EXD3: variants seen among roughly 807,000 people sequenced by gnomAD.
EXD3 encodes the protein exonuclease mut-7 homolog.
In EXD3, 92 loss-of-function variants were observed where a neutral mutation model predicts 98.0. That is an observed-to-expected ratio of 0.94 (90% CI 0.79 to 1.12). EXD3 has a LOEUF of 1.12. EXD3 is among the 50% of genes most tolerant of loss of function. The pLI, the probability that EXD3 is intolerant of heterozygous loss-of-function variation, is 0.00. For missense variants in EXD3, 1,222 were observed against 1,191.6 expected (o/e 1.03, Z -0.38); for synonymous variants, 569 against 526.0 (o/e 1.08, Z -1.12).
intron 3 of EXD3, among the ~76,000 whole-genome samples, chr9:137,376,093 C>G (rs1453880419): frequency 6.6e-6 from 1 of 151,984 alleles, no homozygotes; most frequent in African/African-American, 2.4e-5. Context: ...GCCTGTAATC[C>G]CAGCACTTTG....
rs534339635 is a variant in EXD3, at chr9:137,372,980, G to C, written c.387C>G (p.Phe129Leu). The part of the protein sequence containing the change: ...PSLAAPLASI[F>L]QLQDADRSCL... The stretch of plus-strand genomic sequence containing the variant: ...AGCTCCTGTCTGCATCCTGCAGCTG[G>C]AAGATGCTGGCCAGTGGTGCCGCAA... The change falls in exon 5 of 22, where the codon TTC becomes TTG. Residue 129 changes from phenylalanine to leucine, a missense_variant. Coordinates refer to ENST00000340951, the MANE Select transcript of EXD3 (RefSeq NM_017820.5). The C allele has an allele frequency of 3.0e-5, 48 of 1,604,580 alleles. No homozygotes were observed. In the African/African-American group the frequency reaches 5.9e-4, roughly 20 times the overall value.
intron 17 of EXD3, among the ~76,000 whole-genome samples, chr9:137,340,553 T>A (rs943568487): frequency 3.3e-5 from 5 of 151,814 alleles, no homozygotes. Context: ...TTTAATGAGG[T>A]CTTGCTGTGT....
intron 19 of EXD3, among the ~76,000 whole-genome samples, chr9:137,314,474 C>G (rs1048946969): frequency 2.5e-4 from 38 of 152,150 alleles, no homozygotes; most frequent in Non-Finnish European, 2.9e-5. Context: ...GCTTTTAAAA[C>G]CCAGTCTATC....
chr9:137,341,153 GA>G (rs920901578), intron 17 of EXD3, among the ~76,000 whole-genome samples: 4 of 152,150 alleles, frequency 2.6e-5, no homozygotes, highest in African/African-American at 9.7e-5. Flanking sequence ...CTGTCTCCAT[GA>G]AACATTTTAA....
intron 10 of EXD3, chr9:137,353,662 GC>G: frequency 1.0e-6 from 1 of 985,758 alleles, no homozygotes; most frequent in South Asian, 4.7e-5. Flanking sequence ...GGGACCCTCA[GC>G]CCCCGCTGGG....
chr9:137,422,258 G>C (rs1298886597), intron 1 of EXD3, among the ~76,000 whole-genome samples: 1 of 151,986 alleles, frequency 6.6e-6, no homozygotes, highest in African/African-American at 2.4e-5. Context: ...CAAGAAGAAA[G>C]ATTTTGATCA....
At chr9:137,422,868 G>A (rs1391776130) in intron 1 of EXD3, among the ~76,000 whole-genome samples, 1 of 152,114 alleles carries the variant, frequency 6.6e-6, no homozygotes, top group Non-Finnish European at 1.5e-5. Flanking sequence ...CGGCGGGGTC[G>A]CCGGGGTCGG....
At chr9:137,339,180 C>T (rs958924400) in intron 17 of EXD3, among the ~76,000 whole-genome samples, 1 of 151,998 alleles carries the variant, frequency 6.6e-6, no homozygotes, top group Non-Finnish European at 1.5e-5. Flanking sequence ...AACATTCTCC[C>T]CAAAGAAAAC....
In EXD3 at chr9:137,381,923, C is replaced by T. The variant is rs572112619; in HGVS notation, c.120+1390G>A. Among the ~76,000 whole-genome samples, 332 of 151,858 alleles carry T rather than the reference C, an allele frequency of 2.2e-3. 3 individuals are homozygous for T. The highest frequency in any genetic ancestry group is 7.5e-3 in the African/African-American group (310 of 41,364). On this transcript the variant is annotated intron_variant, in intron 3 of 21. Transcript: ENST00000340951. ...GGAATCCGGGAATGTGATGGAGGCGCGAGGAGGAGGTGAGAGCACGAGGAG... is the reference window on the plus strand; with the variant it reads ...GGAATCCGGGAATGTGATGGAGGCGTGAGGAGGAGGTGAGAGCACGAGGAG...
chr9:137,333,657 C>T (rs1445762673), intron 17 of EXD3, among the ~76,000 whole-genome samples: 1 of 152,108 alleles, frequency 6.6e-6, no homozygotes, highest in Non-Finnish European at 1.5e-5. Context: ...CTTGCTCTCT[C>T]GCTCCTGCCT....
rs371220422 is a variant in EXD3 at position 137,361,678 on chromosome 9, G to A, written c.656+4815C>T. 2.5e-4 allele frequency among the ~76,000 whole-genome samples: 38 copies of A among 150,944 alleles called. No homozygotes were observed. The South Asian group carries it at 7.9e-3, about 31-fold the overall frequency. ...GGAGAATTACTTGAACCCGGGAGGCGGAGGTTGCAGTGAGCTGAGATCGCG... is the reference window on the plus strand; with the variant it reads ...GGAGAATTACTTGAACCCGGGAGGCAGAGGTTGCAGTGAGCTGAGATCGCG... On this transcript the variant is annotated intron_variant, in intron 7 of 21. Coordinates refer to ENST00000340951, the MANE Select transcript of EXD3 (RefSeq NM_017820.5).
intron 1 of EXD3, among the ~76,000 whole-genome samples, chr9:137,397,980 T>C (rs1837293313): frequency 6.7e-6 from 1 of 148,956 alleles, no homozygotes; most frequent in African/African-American, 2.5e-5. Flanking sequence ...AGTTAAAAAA[T>C]ATGGTTTTAA....
intron 1 of EXD3, among the ~76,000 whole-genome samples, chr9:137,414,258 G>A (rs1838137829): frequency 6.6e-6 from 1 of 152,198 alleles, no homozygotes; most frequent in Admixed American, 6.5e-5. Context: ...CACTTGGCAT[G>A]GTGTCTTCAA....
At chr9:137,325,731 C>T (rs1185995658) in intron 17 of EXD3, among the ~76,000 whole-genome samples, 2 of 152,126 alleles carry the variant, frequency 1.3e-5, no homozygotes, top group Non-Finnish European at 2.9e-5. Context: ...CCGCACCCGG[C>T]CAAATCGTTA....
intron 6 of EXD3, among the ~76,000 whole-genome samples, chr9:137,366,908 G>A (rs570908182): frequency 1.3e-5 from 2 of 152,362 alleles, no homozygotes; most frequent in South Asian, 4.1e-4. Flanking sequence ...CAAATGTGGG[G>A]AGGCAGGACC....
intron 17 of EXD3, among the ~76,000 whole-genome samples, chr9:137,333,205 G>A (rs11523301): frequency 0.5 from 76,070 of 151,880 alleles, 19,192 homozygotes; most frequent in East Asian, 0.62. Flanking sequence ...GTACACCAGC[G>A]GTTTGCCAGG....
At chr9:137,391,768 G>T (rs1836926814) in intron 2 of EXD3, 1 of 152,278 alleles carries the variant, frequency 6.6e-6, no homozygotes, top group Non-Finnish European at 1.5e-5. Context: ...GTGGACGTGG[G>T]CAACGTGGAC....
Position 137,367,975 on chromosome 9 carries a change from G to A in EXD3, c.477C>T (p.Gly159=), listed in dbSNP as rs762148096. 30 of 1,609,984 alleles carry A rather than the reference G, an allele frequency of 1.9e-5. No individual in the cohort carries two copies. In the Admixed American group the frequency reaches 2.3e-4, roughly 13 times the overall value. The change falls in exon 6 of 22, where the codon GGC becomes GGT. Residue 159 remains glycine (G), a synonymous_variant. Transcript: ENST00000340951. ...EGRFREAATL[G]ATLKLQSELG... The stretch of plus-strand genomic sequence containing the variant: ...GCTCCGACTGCAGCTTCAACGTCGC[G>A]CCCAGCGTGGCTGCCTGGCAAACAC...
At chr9:137,412,572 G>T (rs542684935) in intron 1 of EXD3, among the ~76,000 whole-genome samples, 1 of 152,078 alleles carries the variant, frequency 6.6e-6, no homozygotes, top group Non-Finnish European at 1.5e-5. Flanking sequence ...TTCCACATGG[G>T]ACAGGGTGGA....
Sources: gnomAD v4.1 joint callset for allele counts (sites outside exome capture counted in the v4.1 genomes callset) on GRCh38, gnomAD v4.1.1 for gene constraint, MANE v1.5 for transcripts, NCBI Gene and HGNC (gene_info 2026-07-23, HGNC 2026-07-21) for gene names.